SEC63: variants seen among roughly 807,000 people sequenced by gnomAD.
SEC63 encodes SEC63 protein translocation regulator, also known as translocation protein SEC63 homolog.
In SEC63, 56 loss-of-function variants were observed where a neutral mutation model predicts 116.2. The observed-to-expected ratio is 0.48, with a 90% CI of 0.39 to 0.60. The LOEUF (loss-of-function observed/expected upper bound fraction) is 0.60. Ranked by LOEUF, SEC63 falls within the 20% of genes least tolerant of loss-of-function variation. The pLI, the probability that SEC63 is intolerant of heterozygous loss-of-function variation, is 0.00. For synonymous variants in SEC63, 273 were observed against 294.6 expected (o/e 0.93, Z 0.75); for missense variants, 668 against 900.0 (o/e 0.74, Z 3.30).
intron 3 of SEC63, among the ~76,000 whole-genome samples, chr6:107,923,175 G>T (rs908029028): frequency 3.3e-5 from 5 of 151,678 alleles, no homozygotes; most frequent in Admixed American, 3.3e-4. Context: ...AGACAGTCTT[G>T]CTCTGTCGCC....
rs543335961 is a variant in SEC63, at chr6:107,894,784, T to A, written c.1441-887A>T. On this transcript the variant is annotated intron_variant, in intron 14 of 20. Coordinates refer to ENST00000369002, the MANE Select transcript of SEC63 (RefSeq NM_007214.5). Reference sequence around the variant, plus strand: ...CACACCACTTGCCTTTTTTTTTTTTTTAAAGACAGTGGTCTTGTTATGTTG... The same window carrying A: ...CACACCACTTGCCTTTTTTTTTTTTATAAAGACAGTGGTCTTGTTATGTTG... 1.3e-3 allele frequency among the ~76,000 whole-genome samples: 190 copies of A among 151,464 alleles called. 3 individuals are homozygous for A. The highest frequency in any genetic ancestry group is 7.8e-3 in the Admixed American group (118 of 15,186).
chr6:107,926,303 T>C (rs1318413495), intron 2 of SEC63, among the ~76,000 whole-genome samples: 1 of 152,212 alleles, frequency 6.6e-6, no homozygotes, highest in African/African-American at 2.4e-5. Context: ...TTATTTCTTA[T>C]ACTGAATGAC....
Position 107,883,195 on chromosome 6 carries a change from A to G in SEC63, c.1675-49T>C, listed in dbSNP as rs145891747. 2.4e-4 allele frequency: 382 copies of G among 1,604,992 alleles called. 3 individuals carry two copies. In the East Asian group the frequency reaches 5.8e-3, roughly 24 times the overall value. ...AGATTCTGCATATCTCAATGAGAACATATCAATCTGAATCCCTGAAGTTAA... is the reference window on the plus strand; with the variant it reads ...AGATTCTGCATATCTCAATGAGAACGTATCAATCTGAATCCCTGAAGTTAA... On this transcript the variant is annotated intron_variant, in intron 16 of 20. Transcript: ENST00000369002.
intron 1 of SEC63, among the ~76,000 whole-genome samples, chr6:107,954,971 T>C (rs1267122766): frequency 6.6e-6 from 1 of 152,164 alleles, no homozygotes; most frequent in Non-Finnish European, 1.5e-5. Flanking sequence ...CATCAAAATA[T>C]GCATATGGAC....
chr6:107,902,826 A>T lies in SEC63; in HGVS notation c.1209+18T>A. 6.2e-7 allele frequency: 1 copy of T among 1,612,232 alleles called. No individual in the cohort carries two copies. ...GGACAAACTGCTGAAAACTGACTTT[A>T]AAGTAGCAAAGAATTACCTTCTTAT... On this transcript the variant is annotated intron_variant, in intron 12 of 20. Coordinates refer to ENST00000369002, the MANE Select transcript of SEC63 (RefSeq NM_007214.5).
chr6:107,943,250 ATAC>A (rs993806428), intron 1 of SEC63, among the ~76,000 whole-genome samples: 2 of 152,244 alleles, frequency 1.3e-5, no homozygotes, highest in Admixed American at 6.5e-5. Flanking sequence ...TTATGATTTA[ATAC>A]TACATTTCTC....
At chr6:107,883,641 A>ATT (rs1050206699) in intron 16 of SEC63, among the ~76,000 whole-genome samples, 11 of 149,772 alleles carry the variant, frequency 7.3e-5, no homozygotes, top group African/African-American at 2.7e-4. Flanking sequence ...AAAAAAAAAA[A>ATT]TTATATATAT....
chr6:107,868,696 A>G lies in SEC63; in HGVS notation c.*3008T>C, dbSNP rs1786056233. 6.6e-6 allele frequency: 1 copy of G among 152,116 alleles called. No homozygotes were observed. Among genetic ancestry groups the G allele is most frequent in the Non-Finnish European group, 1.5e-5 (1 of 68,016 alleles). 9.4% of individuals were successfully genotyped at this position (152,116 alleles called of 1,614,324 possible). ...CTAAAAAAAAAAAAAGGCATTCCAAATAATAGCCAAGGCAAATGGATTTAA... is the reference window on the plus strand; with the variant it reads ...CTAAAAAAAAAAAAAGGCATTCCAAGTAATAGCCAAGGCAAATGGATTTAA... On this transcript the variant is annotated 3_prime_UTR_variant, in exon 21 of 21. Transcript: ENST00000369002.
At chr6:107,878,133 G>A (rs565503752) in intron 18 of SEC63, among the ~76,000 whole-genome samples, 1 of 152,252 alleles carries the variant, frequency 6.6e-6, no homozygotes, top group African/African-American at 2.4e-5. Context: ...TTACAATAAA[G>A]CCTCATTTAC....
chr6:107,875,573 G>A (rs988499394), intron 19 of SEC63, among the ~76,000 whole-genome samples: 4 of 152,002 alleles, frequency 2.6e-5, no homozygotes, highest in Non-Finnish European at 5.9e-5. Flanking sequence ...TAATTTTTAC[G>A]GGGTGCACGT....
intron 14 of SEC63, 152 bp from the exon 15 acceptor site, chr6:107,894,049 G>A (rs1159632096): frequency 8.7e-6 from 7 of 808,966 alleles, no homozygotes; most frequent in African/African-American, 1.7e-5. Flanking sequence ...ACTAGCTGAT[G>A]AATGTGTGCC....
At chr6:107,873,836 A>G (rs1165581274) in intron 19 of SEC63, among the ~76,000 whole-genome samples, 2 of 152,208 alleles carry the variant, frequency 1.3e-5, no homozygotes, top group Non-Finnish European at 2.9e-5. Flanking sequence ...ACAAAAGTGA[A>G]CAATGGTCAC....
chr6:107,873,926 T>A lies in SEC63; in HGVS notation c.2035-1014A>T, dbSNP rs546580642. ...TCAGAGAAATAAAAACTACACTGAA[T>A]AGAATGAGCAGAGTAAAAATTGATT... On this transcript the variant is annotated intron_variant, in intron 19 of 20. Transcript: ENST00000369002. Among the ~76,000 whole-genome samples the A allele has an allele frequency of 1.2e-3, 181 of 152,162 alleles. 2 individuals carry two copies. The highest frequency in any genetic ancestry group is 4.2e-3 in the African/African-American group (175 of 41,508).
chr6:107,869,436 CT>C lies in SEC63; in HGVS notation c.*2267del, dbSNP rs1185359431. On this transcript the variant is annotated 3_prime_UTR_variant, in exon 21 of 21. Coordinates refer to ENST00000369002, the MANE Select transcript of SEC63 (RefSeq NM_007214.5). The stretch of plus-strand genomic sequence containing the variant: ...CTGTTTCAATTTCACTTCCTATACA[CT>C]GTATGATCTATAGGCTCATCAATTG... 6.6e-6 allele frequency: 1 copy of C among 152,164 alleles called. No homozygotes were observed. The highest frequency in any genetic ancestry group is 2.4e-5 in the African/African-American group (1 of 41,438). 9.4% of individuals were successfully genotyped at this position (152,164 alleles called of 1,614,324 possible).
chr6:107,918,705 C>A (rs1339976924), intron 4 of SEC63, among the ~76,000 whole-genome samples: 68 of 146,820 alleles, frequency 4.6e-4, no homozygotes, highest in South Asian at 1.7e-3. Context: ...AAAAAAAAAA[C>A]AAAAAACAAA....
In SEC63 at chr6:107,902,833, C is replaced by T; in HGVS notation, c.1209+11G>A. The T allele has an allele frequency of 6.2e-7, 1 of 1,612,992 alleles. No homozygotes were observed. Among genetic ancestry groups the T allele is most frequent in the Non-Finnish European group, 8.5e-7 (1 of 1,179,190 alleles). ...CTGCTGAAAACTGACTTTAAAGTAG[C>T]AAAGAATTACCTTCTTATGATTAGA... On this transcript the variant is annotated intron_variant, in intron 12 of 20. Coordinates refer to ENST00000369002, the MANE Select transcript of SEC63 (RefSeq NM_007214.5).
intron 18 of SEC63, chr6:107,876,905 T>C (rs529313945): frequency 1.2e-5 from 5 of 432,282 alleles, no homozygotes; most frequent in East Asian, 8.1e-5. Context: ...TTAAAACCTA[T>C]TGATTGGCCT....
Position 107,893,892 on chromosome 6 carries a change from T to C in SEC63, c.1446A>G (p.Val482=), listed in dbSNP as rs1381907209. The C allele has an allele frequency of 1.9e-6, 3 of 1,613,972 alleles. No homozygotes were observed. Among genetic ancestry groups the C allele is most frequent in the Non-Finnish European group, 2.5e-6 (3 of 1,180,002 alleles). ...CACAGATGGACTGCTCCTTTTCAAA[T>C]ACTTCCTGGGGGGCGGCAAGAAGAG... ...VKLTRQTMAE[V]FEKEQSICAA... Residue 482 remains valine (V), a synonymous_variant, in exon 15 of 21, where the codon GTA becomes GTG. Coordinates refer to ENST00000369002, the MANE Select transcript of SEC63 (RefSeq NM_007214.5).
chr6:107,922,754 TA>T (rs1787586624), intron 3 of SEC63, among the ~76,000 whole-genome samples: 1 of 152,008 alleles, frequency 6.6e-6, no homozygotes, highest in Non-Finnish European at 1.5e-5. Flanking sequence ...ATCAATGCAA[TA>T]AGAAAAAAAT....
Sources: gnomAD v4.1 joint callset for allele counts (sites outside exome capture counted in the v4.1 genomes callset) on GRCh38, gnomAD v4.1.1 for gene constraint, MANE v1.5 for transcripts, NCBI Gene and HGNC (gene_info 2026-07-23, HGNC 2026-07-21) for gene names.